VSTM5: variants seen among roughly 807,000 people sequenced by gnomAD.
VSTM5 encodes the protein V-set and transmembrane domain containing 5, also known as V-set and transmembrane domain-containing protein 5.
VSTM5 carries 21 observed loss-of-function variants against 20.3 expected under a neutral mutation model. The ratio of observed to expected loss-of-function variants is 1.03; its 90% CI spans 0.73 to 1.49. VSTM5 has a LOEUF of 1.49. Ranked by LOEUF, VSTM5 falls within the 40% of genes most tolerant of loss-of-function variation. The pLI, the probability that VSTM5 is intolerant of heterozygous loss-of-function variation, is 0.00. For missense variants in VSTM5, 219 were observed against 250.0 expected (o/e 0.88, Z 0.84); for synonymous variants, 100 against 102.5 (o/e 0.98, Z 0.14).
chr11:93,845,411 C>T (rs767818067), intron 1 of VSTM5, among the ~76,000 whole-genome samples: 1 of 152,204 alleles, frequency 6.6e-6, no homozygotes, highest in Non-Finnish European at 1.5e-5. Context: ...GCCTAGCATG[C>T]TCCCTTGACC....
chr11:93,841,695 C>T (rs777780813), intron 1 of VSTM5, among the ~76,000 whole-genome samples: 1 of 152,206 alleles, frequency 6.6e-6, no homozygotes, highest in East Asian at 1.9e-4. Flanking sequence ...CCCTCAGGGT[C>T]CCAGGAGGCC....
At position 93,830,750 on chromosome 11, in the gene VSTM5, C is replaced by T. The variant is rs1269332131; in HGVS notation, c.92-9427G>A. Among the ~76,000 whole-genome samples the T allele has an allele frequency of 9.8e-4, 145 of 147,798 alleles. 1 individual carries two copies. Among genetic ancestry groups the T allele is most frequent in the South Asian group, 3.2e-3 (15 of 4,692 alleles). On this transcript the variant is annotated intron_variant, in intron 1 of 3. Transcript: ENST00000409977. Reference sequence around the variant, plus strand: ...GGAGAAACAGCACAGGTTTGTTTTTCGGTTGGTTCTTTTTTTTTTTTTTTT... The same window carrying T: ...GGAGAAACAGCACAGGTTTGTTTTTTGGTTGGTTCTTTTTTTTTTTTTTTT...
At chr11:93,829,818 G>C (rs1944267318) in intron 1 of VSTM5, among the ~76,000 whole-genome samples, 2 of 152,210 alleles carry the variant, frequency 1.3e-5, no homozygotes, top group Non-Finnish European at 2.9e-5. Flanking sequence ...GGCTCATCGG[G>C]TGCTGGCCTG....
At chr11:93,841,327 C>G (rs772875549) in intron 1 of VSTM5, among the ~76,000 whole-genome samples, 7 of 152,256 alleles carry the variant, frequency 4.6e-5, no homozygotes, top group Non-Finnish European at 7.3e-5. Context: ...TGCTTTCTTG[C>G]TGTAACAAAT....
chr11:93,839,226 G>A (rs1944350089), intron 1 of VSTM5, among the ~76,000 whole-genome samples: 1 of 152,352 alleles, frequency 6.6e-6, no homozygotes, highest in African/African-American at 2.4e-5. Context: ...CTTCCTGGAG[G>A]CCACAGTAAG....
Position 93,827,825 on chromosome 11 carries a change from AATAAAC to A in VSTM5, c.92-6508_92-6503del, listed in dbSNP as rs147281331. On this transcript the variant is annotated intron_variant, in intron 1 of 3. Coordinates refer to ENST00000409977, the MANE Select transcript of VSTM5 (RefSeq NM_001144871.2). ...GTCTGTGATGTTACTAAGTTAAAAA[AATAAAC>A]ATGTAAAACAGCATACCTAATGTGA... The A allele has an allele frequency of 4.7e-3, 717 of 152,318 alleles. 10 individuals are homozygous for A. The highest frequency in any genetic ancestry group is 0.016 in the African/African-American group (668 of 41,564). The allele number at this position is 152,318 out of a possible 1,614,324, so 9.4% of individuals were successfully genotyped here.
At chr11:93,850,297 C>T (rs1944448319) in intron 1 of VSTM5, 115 bp downstream of exon 1, 4 of 866,894 alleles carry the variant, frequency 4.6e-6, no homozygotes, top group Non-Finnish European at 6.7e-6. Flanking sequence ...CGCGCGCCCT[C>T]AGCCGGACAA....
intron 1 of VSTM5, among the ~76,000 whole-genome samples, chr11:93,832,680 A>G (rs138427338): frequency 6.6e-6 from 1 of 152,374 alleles, no homozygotes; most frequent in African/African-American, 2.4e-5. Flanking sequence ...ACCTCAGTCT[A>G]TGAAGGCAGG....
intron 1 of VSTM5, among the ~76,000 whole-genome samples, chr11:93,830,462 C>G (rs961086678): frequency 2.0e-5 from 3 of 151,378 alleles, no homozygotes; most frequent in African/African-American, 7.4e-5. Flanking sequence ...CAAGATCGTT[C>G]GTTATAGAGA....
intron 1 of VSTM5, among the ~76,000 whole-genome samples, chr11:93,843,435 C>T (rs1035015441): frequency 6.6e-6 from 1 of 152,080 alleles, no homozygotes; most frequent in East Asian, 1.9e-4. Context: ...CAGTGCCTGG[C>T]ACTGTGGACT....
At position 93,820,158 on chromosome 11, in the gene VSTM5, A is replaced by T; in HGVS notation, c.*411T>A. 1 of 215,504 alleles carries T rather than the reference A, an allele frequency of 4.6e-6. No homozygotes were observed. Among genetic ancestry groups the T allele is most frequent in the Non-Finnish European group, 9.3e-6 (1 of 107,732 alleles). 13.3% of individuals were successfully genotyped at this position (215,504 alleles called of 1,614,324 possible). On this transcript the variant is annotated 3_prime_UTR_variant, in exon 4 of 4. Transcript: ENST00000409977. ...GTTGCAGAGCAGACAGGAGCACAGA[A>T]AGCATGTTCTAATGCTGGCTGCACA...
In VSTM5 at chr11:93,850,544, G is replaced by A; in HGVS notation, c.-42C>T. 12 of 1,434,802 alleles carry A rather than the reference G, an allele frequency of 8.4e-6. No homozygotes were observed. The highest frequency in any genetic ancestry group is 2.5e-5 in the East Asian group (1 of 39,608). 88.9% of individuals were successfully genotyped at this position (1,434,802 alleles called of 1,614,324 possible). On this transcript the variant is annotated 5_prime_UTR_variant, in exon 1 of 4. Coordinates refer to ENST00000409977, the MANE Select transcript of VSTM5 (RefSeq NM_001144871.2). ...TCGCGGGCCGGGGTGTGTGCTGGCC[G>A]CACCGCGCTGCAGCTCCTATGCAGC...
In VSTM5 at chr11:93,819,271, G is replaced by GA. The variant is rs1258781753; in HGVS notation, c.*1297dup. 6.6e-6 allele frequency: 1 copy of GA among 152,334 alleles called. No individual in the cohort carries two copies. The highest frequency in any genetic ancestry group is 1.5e-5 in the Non-Finnish European group (1 of 68,044). 9.4% of individuals were successfully genotyped at this position (152,334 alleles called of 1,614,324 possible). On this transcript the variant is annotated 3_prime_UTR_variant, in exon 4 of 4. Coordinates refer to ENST00000409977, the MANE Select transcript of VSTM5 (RefSeq NM_001144871.2). ...GATGGTACCTTTGGTCTGTAGCTATGAATATTGGAGAGATAAGAGAATGGA... is the reference window on the plus strand; with the variant it reads ...GATGGTACCTTTGGTCTGTAGCTATGAAATATTGGAGAGATAAGAGAATGGA...
At chr11:93,835,218 A>G (rs2135735434) in intron 1 of VSTM5, among the ~76,000 whole-genome samples, 1 of 152,190 alleles carries the variant, frequency 6.6e-6, no homozygotes. Flanking sequence ...TGAGGCCAGG[A>G]GTTCGAGAGC....
rs1289962702 is a variant in VSTM5 at position 93,818,998 on chromosome 11, G to A, written c.*1571C>T. ...CGCCTTTTGAATCAAGCAGTGCCTTGGGAGTCCTGCTCTGGATACTGAGAG... is the reference window on the plus strand; with the variant it reads ...CGCCTTTTGAATCAAGCAGTGCCTTAGGAGTCCTGCTCTGGATACTGAGAG... On this transcript the variant is annotated 3_prime_UTR_variant, in exon 4 of 4. Transcript: ENST00000409977. 1.3e-5 allele frequency: 2 copies of A among 152,184 alleles called. No individual in the cohort carries two copies. The highest frequency in any genetic ancestry group is 2.9e-5 in the Non-Finnish European group (2 of 68,066). The allele number at this position is 152,184 out of a possible 1,614,324, so 9.4% of individuals were successfully genotyped here.
At chr11:93,834,858 G>A (rs976782846) in intron 1 of VSTM5, among the ~76,000 whole-genome samples, 4 of 151,680 alleles carry the variant, frequency 2.6e-5, no homozygotes, top group Admixed American at 2.6e-4. Flanking sequence ...AGTATAAAGA[G>A]GTGGGGCTTT....
chr11:93,846,508 G>A (rs914368243), intron 1 of VSTM5, among the ~76,000 whole-genome samples: 22 of 152,284 alleles, frequency 1.4e-4, no homozygotes, highest in East Asian at 5.8e-4. Context: ...TACGATGTGC[G>A]CATCACTAGC....
At chr11:93,823,415 G>A (rs11823691) in intron 1 of VSTM5, among the ~76,000 whole-genome samples, 1,862 of 152,138 alleles carry the variant, frequency 0.012, 37 homozygotes, top group African/African-American at 0.043. Context: ...TCTATGTTGC[G>A]TAATGATGAT....
At chr11:93,845,810 C>A (rs545353973) in intron 1 of VSTM5, among the ~76,000 whole-genome samples, 13 of 152,290 alleles carry the variant, frequency 8.5e-5, no homozygotes, top group Admixed American at 7.8e-4. Flanking sequence ...ATTTTTTGAG[C>A]ACCTGCTGTA....
Sources: allele counts gnomAD v4.1 joint callset (sites outside exome capture counted in the v4.1 genomes callset), GRCh38; gene constraint gnomAD v4.1.1; transcripts MANE v1.5; gene names NCBI Gene and HGNC (gene_info 2026-07-23, HGNC 2026-07-21).